CDH23: variants seen among roughly 807,000 people sequenced by gnomAD.
CDH23 encodes cadherin-23.
A neutral mutation model predicts 317.1 loss-of-function variants in CDH23; 189 were observed. The observed-to-expected ratio is 0.60, with a 90% CI of 0.53 to 0.67. The LOEUF is 0.67. Among genes scored for constraint, CDH23 ranks in the 30% least tolerant of loss-of-function variants. The probability of loss-of-function intolerance (pLI) is 0.00; values close to 1 mark genes in which losing one functional copy is unlikely to be tolerated. For synonymous variants in CDH23, 1,839 were observed against 1,876.8 expected (o/e 0.98, Z 0.52); for missense variants, 4,401 against 4,592.4 (o/e 0.96, Z 1.20).
rs2132987914 is a variant in CDH23 at position 71,807,390 on chromosome 10, G to A, written c.8292G>A (p.Val2764=). 4 of 1,613,922 alleles carry A rather than the reference G, an allele frequency of 2.5e-6. No individual in the cohort carries two copies. Among genetic ancestry groups the A allele is most frequent in the Non-Finnish European group, 3.4e-6 (4 of 1,179,836 alleles). Residue 2764 remains valine, a synonymous_variant, in exon 58 of 70, where the codon GTG becomes GTA. Coordinates refer to ENST00000224721, the MANE Select transcript of CDH23 (RefSeq NM_022124.6). The part of the protein sequence containing the change: ...VDADEGPNAI[V]YYFIAAGNEE... The stretch of plus-strand genomic sequence containing the variant: ...CAGATGAGGGCCCCAACGCGATCGT[G>A]TACTACTTCATCGCAGGTGGGGCCA...
chr10:71,705,180 C>A, intron 25 of CDH23, 50 bp downstream of exon 25: 1 of 1,529,238 alleles, frequency 6.5e-7, no homozygotes, highest in Non-Finnish European at 8.9e-7. Context: ...TGGGCACAGG[C>A]CTGGGTCAGG....
chr10:71,414,714 A>C (rs1388064558), intron 1 of CDH23, among the ~76,000 whole-genome samples: 1 of 152,210 alleles, frequency 6.6e-6, no homozygotes, highest in African/African-American at 2.4e-5. Flanking sequence ...CTCATAATAC[A>C]AATTGGGAAC....
intron 6 of CDH23, among the ~76,000 whole-genome samples, chr10:71,532,655 A>AGT (rs1855442106): frequency 6.6e-6 from 1 of 150,660 alleles, no homozygotes; most frequent in African/African-American, 2.4e-5. Context: ...TCCTTATACT[A>AGT]AGGCCTTCTG....
chr10:71,736,519 G>A (rs567660520), intron 34 of CDH23, among the ~76,000 whole-genome samples: 2 of 152,160 alleles, frequency 1.3e-5, no homozygotes, highest in African/African-American at 4.8e-5. Context: ...AGGCCTTCAG[G>A]GGGTAGGGGA....
At chr10:71,755,388 T>C (rs745350944) in intron 38 of CDH23, 2 of 1,613,088 alleles carry the variant, frequency 1.2e-6, no homozygotes, top group South Asian at 1.1e-5. Context: ...CCTTTGCTTG[T>C]AGACCAGGAG....
chr10:71,741,070 G>A, intron 37 of CDH23, 120 bp downstream of exon 37: 2 of 1,170,422 alleles, frequency 1.7e-6, no homozygotes, highest in Admixed American at 3.5e-5. Context: ...TCTCATGGAT[G>A]GGAACTGTGG....
At chr10:71,585,485 G>A (rs1240681335) in intron 9 of CDH23, among the ~76,000 whole-genome samples, 2 of 152,194 alleles carry the variant, frequency 1.3e-5, no homozygotes, top group African/African-American at 2.4e-5. Context: ...GCTGTCCAAA[G>A]TGCAGGTTTA....
chr10:71,452,297 C>A (rs1463514201), intron 3 of CDH23, among the ~76,000 whole-genome samples: 1 of 152,134 alleles, frequency 6.6e-6, no homozygotes, highest in African/African-American at 2.4e-5. Flanking sequence ...CACCTTCATA[C>A]CCCATGCCCT....
intron 14 of CDH23, among the ~76,000 whole-genome samples, chr10:71,657,469 C>T (rs1053420507): frequency 9.9e-5 from 15 of 152,206 alleles, no homozygotes; most frequent in Admixed American, 2.0e-4. Context: ...AGCATCCATT[C>T]GACTTGATTC....
rs374816063 is a variant in CDH23, at chr10:71,563,746, C to CT, written c.430-2983dup. 6.5e-3 allele frequency among the ~76,000 whole-genome samples: 908 copies of CT among 139,772 alleles called. 6 individuals are homozygous for CT. Among genetic ancestry groups the CT allele is most frequent in the African/African-American group, 0.014 (527 of 38,072 alleles). 91.7% of individuals were successfully genotyped at this position (139,772 alleles called of 152,430 possible). On this transcript the variant is annotated intron_variant, in intron 6 of 69. Coordinates refer to ENST00000224721, the MANE Select transcript of CDH23 (RefSeq NM_022124.6). ...TTATAATACTTTTTTTTTCTTTTTT[C>CT]TTTTTTTTTTTTTCTTTTTTGAGAC... is the stretch of plus-strand genomic sequence containing the variant.
chr10:71,718,076 G>A (rs1244694004), intron 28 of CDH23, among the ~76,000 whole-genome samples: 1 of 152,164 alleles, frequency 6.6e-6, no homozygotes, highest in Non-Finnish European at 1.5e-5. Context: ...TAACCTTGGG[G>A]TCTTTCCTTT....
At chr10:71,597,551 T>C (rs1859943599) in intron 9 of CDH23, among the ~76,000 whole-genome samples, 1 of 152,038 alleles carries the variant, frequency 6.6e-6, no homozygotes, top group Admixed American at 6.5e-5. Flanking sequence ...TGGTGGTCCT[T>C]GGAACCTACC....
chr10:71,493,083 T>C (rs985377985), intron 3 of CDH23, among the ~76,000 whole-genome samples: 1 of 151,780 alleles, frequency 6.6e-6, no homozygotes, highest in Non-Finnish European at 1.5e-5. Context: ...GTTAAGAGAG[T>C]GTGTAGCCCC....
intron 32 of CDH23, 77 bp downstream of exon 32, chr10:71,732,452 A>C (rs2132826772): frequency 6.5e-7 from 1 of 1,530,158 alleles, no homozygotes; most frequent in East Asian, 2.5e-5. Flanking sequence ...TGTGCACAGC[A>C]CTCTCCTCTT....
intron 6 of CDH23, among the ~76,000 whole-genome samples, chr10:71,540,565 TC>T (rs1345681226): frequency 3.3e-5 from 5 of 151,968 alleles, no homozygotes; most frequent in Non-Finnish European, 7.4e-5. Context: ...CCCTGCTTAT[TC>T]CCCCCATTTC....
At chr10:71,556,326 C>T (rs1028856454) in intron 6 of CDH23, among the ~76,000 whole-genome samples, 1 of 151,960 alleles carries the variant, frequency 6.6e-6, no homozygotes, top group African/African-American at 2.4e-5. Context: ...GGCAGCTGGG[C>T]ACCATGGCTC....
intron 8 of CDH23, among the ~76,000 whole-genome samples, chr10:71,572,624 G>A (rs2132381581): frequency 6.6e-6 from 1 of 152,220 alleles, no homozygotes; most frequent in South Asian, 2.1e-4. Flanking sequence ...CTTGTCGCCA[G>A]CCCAAAGTCC....
intron 69 of CDH23, among the ~76,000 whole-genome samples, chr10:71,814,573 C>T (rs1842054981): frequency 6.6e-6 from 1 of 152,214 alleles, no homozygotes; most frequent in African/African-American, 2.4e-5. Flanking sequence ...GCCGGAGAAT[C>T]ACTTGAAGTC....
intron 9 of CDH23, among the ~76,000 whole-genome samples, chr10:71,614,441 T>C (rs1341319296): frequency 6.6e-6 from 1 of 152,186 alleles, no homozygotes; most frequent in Non-Finnish European, 1.5e-5. Context: ...GGGAAGGGCA[T>C]ATAGGCAAGG....
Sources: allele counts gnomAD v4.1 joint callset (sites outside exome capture counted in the v4.1 genomes callset), GRCh38; gene constraint gnomAD v4.1.1; transcripts MANE v1.5; gene names NCBI Gene and HGNC (gene_info 2026-07-23, HGNC 2026-07-21).